The following SLC9A6 variants were observed in gnomAD, a reference collection of about 807,000 sequenced individuals.
SLC9A6 encodes the protein sodium/hydrogen exchanger 6.
A neutral mutation model predicts 45.3 loss-of-function variants in SLC9A6; 6 were observed. The observed-to-expected ratio is 0.13, with a 90% CI of 0.07 to 0.26. SLC9A6 has a LOEUF of 0.26. SLC9A6 is among the 10% of genes least tolerant of loss of function. The pLI is 1.00. For missense variants in SLC9A6, 278 were observed against 503.7 expected (o/e 0.55, Z 4.29); for synonymous variants, 191 against 187.7 (o/e 1.02, Z -0.14).
intron 7 of SLC9A6, among the ~76,000 whole-genome samples, chrX:136,008,335 A>T (rs1173996969): frequency 1.8e-5 from 2 of 111,605 alleles, no homozygotes; most frequent in African/African-American, 6.5e-5. Flanking sequence ...TCCCGGGTTC[A>T]TGAGGTTCAC....
chrX:136,021,569 C>G (rs909767364), intron 11 of SLC9A6, among the ~76,000 whole-genome samples: 4 of 112,472 alleles, frequency 3.6e-5, no homozygotes, highest in African/African-American at 1.3e-4. Context: ...TCTTGTCACC[C>G]AGGCTGGAGT....
chrX:135,983,931 C>A (rs2089300295), upstream of SLC9A6: 1 of 110,941 alleles, frequency 9.0e-6, no homozygotes, highest in South Asian at 3.9e-4. Context: ...TATAGGGGAA[C>A]AGGCAGCCAT....
At chrX:136,014,455 C>G (rs782475292) in intron 10 of SLC9A6, among the ~76,000 whole-genome samples, 6 of 112,191 alleles carry the variant, frequency 5.3e-5, no homozygotes, top group Non-Finnish European at 9.4e-5. Flanking sequence ...TTTTCCAGGT[C>G]GTGGGAAGGG....
At chrX:136,025,071 G>A (rs1268719300) in intron 13 of SLC9A6, among the ~76,000 whole-genome samples, 1 of 112,252 alleles carries the variant, frequency 8.9e-6, no homozygotes, top group Non-Finnish European at 1.9e-5. Context: ...CACCAGGTCA[G>A]ATAAAAAATT....
At chrX:136,043,505 G>T (rs782162659) in intron 17 of SLC9A6, among the ~76,000 whole-genome samples, 1 of 111,934 alleles carries the variant, frequency 8.9e-6, no homozygotes, top group Admixed American at 9.5e-5. Context: ...TTTTCAAACA[G>T]ACATGGGATT....
chrX:135,974,646 G>T (rs2089251378), exon 1 of SLC9A6: 1 of 339,360 alleles, frequency 2.9e-6, no homozygotes, highest in Admixed American at 3.1e-5. Flanking sequence ...GGCCTTTCCT[G>T]TGCTTCAGCT....
intron 2 of SLC9A6, among the ~76,000 whole-genome samples, chrX:135,993,261 G>T (rs2089457774): frequency 9.0e-6 from 1 of 111,354 alleles, no homozygotes; most frequent in South Asian, 3.7e-4. Flanking sequence ...TAGATGAGTG[G>T]TTGCCAGGGG....
chrX:136,039,095 C>T (rs2071462053), intron 16 of SLC9A6, among the ~76,000 whole-genome samples: 1 of 110,641 alleles, frequency 9.0e-6, no homozygotes, highest in African/African-American at 3.3e-5. Flanking sequence ...GGCATGGAGG[C>T]TCATGCCTGT....
chrX:136,045,474 C>T lies in SLC9A6; in HGVS notation c.*750C>T, dbSNP rs1603226200. 2.7e-5 allele frequency: 3 copies of T among 111,650 alleles called. No individual in the cohort carries two copies. The South Asian group carries it at 1.1e-3, about 43-fold the overall frequency. The allele number at this position is 111,650 out of a possible 1,213,427, so 9.2% of individuals were successfully genotyped here. A position where few individuals can be genotyped will look rare whatever the true frequency, so the allele number is the denominator to read the frequency against. ...GTACAGGTGTATATAGTTCAGGGCACTTGATTTAGATTTGGAGGGGCTGGG... is the reference window on the plus strand; with the variant it reads ...GTACAGGTGTATATAGTTCAGGGCATTTGATTTAGATTTGGAGGGGCTGGG... On this transcript the variant is annotated 3_prime_UTR_variant, in exon 18 of 18. Transcript: ENST00000630721.
chrX:136,021,285 C>T (rs1431546050), intron 11 of SLC9A6, among the ~76,000 whole-genome samples: 1 of 111,512 alleles, frequency 9.0e-6, no homozygotes, highest in African/African-American at 3.3e-5. Context: ...TTCTGGCCTC[C>T]TCCTCTTTCT....
intron 2 of SLC9A6, among the ~76,000 whole-genome samples, 159 bp from the exon 3 acceptor site, chrX:135,994,627 T>C (rs1037902834): frequency 8.9e-6 from 1 of 112,008 alleles, no homozygotes; most frequent in Non-Finnish European, 1.9e-5. Context: ...GTTGTATGAA[T>C]TTAGTAATAT....
chrX:136,008,692 G>C (rs1263533243), intron 7 of SLC9A6, among the ~76,000 whole-genome samples: 2 of 112,200 alleles, frequency 1.8e-5, no homozygotes, highest in Non-Finnish European at 3.8e-5. Flanking sequence ...ATCTATCAGG[G>C]TAGTGGAATG....
intron 7 of SLC9A6, 130 bp from the exon 8 acceptor site, chrX:136,010,312 A>G (rs2070896064): frequency 1.0e-5 from 7 of 676,236 alleles, no homozygotes; most frequent in Admixed American, 3.0e-5. Flanking sequence ...TTTTGTCCTT[A>G]TTTTGGCAAT....
At chrX:136,014,548 C>T (rs782238760) in intron 10 of SLC9A6, among the ~76,000 whole-genome samples, 22 of 112,579 alleles carry the variant, frequency 2.0e-4, no homozygotes, top group Non-Finnish European at 3.4e-4. Context: ...GCGGATCACC[C>T]GAGGTCAGAA....
chrX:136,037,198 G>A (rs782400858), intron 16 of SLC9A6, among the ~76,000 whole-genome samples: 3 of 112,145 alleles, frequency 2.7e-5, no homozygotes, highest in African/African-American at 9.7e-5. Flanking sequence ...TGGGTGCTTT[G>A]CGTTTTCCTT....
chrX:135,985,650 G>T lies in SLC9A6; in HGVS notation c.-9G>T, dbSNP rs367724979. On this transcript the variant is annotated 5_prime_UTR_variant, in exon 2 of 18. Coordinates refer to ENST00000630721, the MANE Select transcript of SLC9A6 (RefSeq NM_001379110.1). Reference sequence around the variant, plus strand: ...GGCTTCGGACGGCGGCGGCGGAGAGGCTAGAGCCATGGACGAGGAGATCGT... The same window carrying T: ...GGCTTCGGACGGCGGCGGCGGAGAGTCTAGAGCCATGGACGAGGAGATCGT... The T allele has an allele frequency of 6.2e-5, 75 of 1,209,921 alleles. No homozygotes were observed. Among genetic ancestry groups the T allele is most frequent in the Admixed American group, 2.0e-4 (9 of 45,890 alleles).
Position 135,985,684 on chromosome X carries a change from A to G in SLC9A6, c.26A>G (p.Lys9Arg), listed in dbSNP as rs782004862. MDEEIVSE[K>R]QAEESHRQDS... is the part of the protein sequence containing the mutation. ...ATGGACGAGGAGATCGTGTCCGAGA[A>G]GCAAGCCGAGGAGAGCCACCGGCAG... is the stretch of plus-strand genomic sequence containing the variant. Residue 9 changes from lysine (K) to arginine (R), a missense_variant, in exon 2 of 18, where the codon AAG becomes AGG. Physicochemically the swap from Lys to Arg is conservative, Grantham distance 26 (BLOSUM62 2). This residue lies in a region of SLC9A6 where 118 missense variants were observed against 209.9 expected (regional missense o/e 0.56). Coordinates refer to ENST00000630721, the MANE Select transcript of SLC9A6 (RefSeq NM_001379110.1). 3 of 1,210,057 alleles carry G rather than the reference A, an allele frequency of 2.5e-6. No homozygotes were observed. The highest frequency in any genetic ancestry group is 3.5e-5 in the African/African-American group (2 of 57,212).
Position 136,013,411 on chromosome X carries a change from A to T in SLC9A6, c.1054A>T (p.Thr352Ser). 1 of 1,202,016 alleles carries T rather than the reference A, an allele frequency of 8.3e-7. No individual in the cohort carries two copies. Among genetic ancestry groups the T allele is most frequent in the Non-Finnish European group, 1.1e-6 (1 of 886,914 alleles). Residue 352 changes from threonine to serine, a missense_variant, in exon 10 of 18, where the codon ACG (threonine) becomes TCG (serine). Transcript: ENST00000630721. ...QAHYTYNNLS[T>S]ESQHRTKQLF... ...ACATTATACGTATAATAATTTGTCCACGGAGTCTCAGCATAGAACTAAACA... is the reference window on the plus strand; with the variant it reads ...ACATTATACGTATAATAATTTGTCCTCGGAGTCTCAGCATAGAACTAAACA...
At chrX:135,984,301 G>T (rs2089302970), upstream of SLC9A6, among the ~76,000 whole-genome samples, 1 of 111,601 alleles carries the variant, frequency 9.0e-6, no homozygotes, top group African/African-American at 3.3e-5. Context: ...ATTTGTACTT[G>T]CAGGGGGAAC....
Sources: allele counts gnomAD v4.1 joint callset (sites outside exome capture counted in the v4.1 genomes callset), GRCh38; gene constraint gnomAD v4.1.1; regional missense constraint gnomAD v4.1.1; transcripts MANE v1.5; gene names NCBI Gene and HGNC (gene_info 2026-07-23, HGNC 2026-07-21).